The following TMEM135 variants were observed in gnomAD, a reference collection of about 807,000 sequenced individuals.
TMEM135 encodes the protein peroxisomal membrane protein 52.
In TMEM135, 30 loss-of-function variants were observed where a neutral mutation model predicts 60.3. The observed-to-expected ratio is 0.50, with a 90% CI of 0.37 to 0.68. The LOEUF (loss-of-function observed/expected upper bound fraction) is 0.68. TMEM135 is among the 30% of genes least tolerant of loss of function. The pLI is 0.00. For missense variants in TMEM135, 468 were observed against 548.8 expected (o/e 0.85, Z 1.47); for synonymous variants, 190 against 186.7 (o/e 1.02, Z -0.14).
chr11:87,163,871 T>C (rs1435380715), intron 5 of TMEM135, among the ~76,000 whole-genome samples: 1 of 146,302 alleles, frequency 6.8e-6, no homozygotes, highest in Non-Finnish European at 1.5e-5. Context: ...CTTCGCCCAC[T>C]TTTTGATGGG....
chr11:87,149,093 T>G (rs1938486989), intron 4 of TMEM135, among the ~76,000 whole-genome samples: 1 of 151,962 alleles, frequency 6.6e-6, no homozygotes, highest in South Asian at 2.1e-4. Context: ...TTCCAGAGAT[T>G]CTTATTTCTC....
intron 4 of TMEM135, among the ~76,000 whole-genome samples, chr11:87,112,731 A>G (rs1054485846): frequency 1.3e-5 from 2 of 152,066 alleles, no homozygotes; most frequent in Non-Finnish European, 2.9e-5. Flanking sequence ...TTTGGAAGAA[A>G]ATCGTGTAGG....
chr11:87,176,537 G>A (rs1377291028), intron 5 of TMEM135, among the ~76,000 whole-genome samples: 2 of 152,212 alleles, frequency 1.3e-5, no homozygotes, highest in Non-Finnish European at 2.9e-5. Flanking sequence ...CAGTAGGGAT[G>A]TGGCAGGTCA....
intron 3 of TMEM135, among the ~76,000 whole-genome samples, chr11:87,084,475 G>GT (rs1857054991): frequency 1.3e-5 from 2 of 152,090 alleles, no homozygotes; most frequent in African/African-American, 4.8e-5. Context: ...GACCAGGTCA[G>GT]TTTTTTATTT....
intron 5 of TMEM135, among the ~76,000 whole-genome samples, chr11:87,212,045 T>C (rs1480431899): frequency 6.6e-6 from 1 of 152,226 alleles, no homozygotes; most frequent in Non-Finnish European, 1.5e-5. Context: ...AGTGTAATAA[T>C]AACTACTCAT....
chr11:87,080,699 T>G (rs1856971728), intron 3 of TMEM135, among the ~76,000 whole-genome samples: 1 of 152,190 alleles, frequency 6.6e-6, no homozygotes, highest in Non-Finnish European at 1.5e-5. Flanking sequence ...TATTTCTTAT[T>G]TTTTTGAGAT....
At chr11:87,169,046 A>G (rs1430371992) in intron 5 of TMEM135, among the ~76,000 whole-genome samples, 1 of 151,902 alleles carries the variant, frequency 6.6e-6, no homozygotes, top group Non-Finnish European at 1.5e-5. Context: ...TCCCTTTGCC[A>G]TTATGTAATG....
chr11:87,276,908 T>A lies in TMEM135; in HGVS notation c.510-18874T>A, dbSNP rs554910238. ...GCTGGTCTTGAACTCTTGACCTCAGTTGGTCCGCCTGCCTCGGCCTCCCAA... is the reference window on the plus strand; with the variant it reads ...GCTGGTCTTGAACTCTTGACCTCAGATGGTCCGCCTGCCTCGGCCTCCCAA... On this transcript the variant is annotated intron_variant, in intron 6 of 14. Coordinates refer to ENST00000305494, the MANE Select transcript of TMEM135 (RefSeq NM_022918.4). Among the ~76,000 whole-genome samples the A allele has an allele frequency of 3.3e-5, 5 of 151,476 alleles. No individual in the cohort carries two copies. In the East Asian group the frequency reaches 9.8e-4, roughly 30 times the overall value.
At chr11:87,185,289 T>G (rs1939621849) in intron 5 of TMEM135, among the ~76,000 whole-genome samples, 1 of 152,172 alleles carries the variant, frequency 6.6e-6, no homozygotes, top group Non-Finnish European at 1.5e-5. Context: ...CCAGATAAGA[T>G]CTATATGTTC....
At chr11:87,275,129 A>G (rs117740068) in intron 6 of TMEM135, among the ~76,000 whole-genome samples, 3,864 of 152,196 alleles carry the variant, frequency 0.025, 61 homozygotes, top group Admixed American at 0.038. Flanking sequence ...AAGTGTTACT[A>G]TGACATTTGG....
At chr11:87,254,589 A>G (rs897312275) in intron 6 of TMEM135, among the ~76,000 whole-genome samples, 8 of 152,226 alleles carry the variant, frequency 5.3e-5, no homozygotes, top group Non-Finnish European at 1.0e-4. Flanking sequence ...AAGTTATTCA[A>G]CCTATAAATG....
intron 4 of TMEM135, among the ~76,000 whole-genome samples, chr11:87,093,724 G>A (rs1477512739): frequency 6.6e-6 from 1 of 151,682 alleles, no homozygotes; most frequent in Non-Finnish European, 1.5e-5. Context: ...AGTAGAGACG[G>A]GGTTTCACCA....
At chr11:87,188,773 T>C (rs924793632) in intron 5 of TMEM135, among the ~76,000 whole-genome samples, 15 of 151,778 alleles carry the variant, frequency 9.9e-5, no homozygotes, top group African/African-American at 3.6e-4. Flanking sequence ...TATGTAAAAA[T>C]GTATAAAGTA....
chr11:87,186,260 A>G (rs988765023), intron 5 of TMEM135, among the ~76,000 whole-genome samples: 5 of 152,172 alleles, frequency 3.3e-5, no homozygotes, highest in Non-Finnish European at 7.4e-5. Flanking sequence ...GGAAACCTCT[A>G]CAAGTTGCCT....
At chr11:87,195,311 CTCTTTCCTTCCTTCCT>C (rs1319169249) in intron 5 of TMEM135, among the ~76,000 whole-genome samples, 2,819 of 137,972 alleles carry the variant, frequency 0.02, 126 homozygotes, top group East Asian at 0.03. Flanking sequence ...CTCTTTCTTT[CTCTTTCCTTCCTTCCT>C]TCCTTCCTTC....
intron 6 of TMEM135, among the ~76,000 whole-genome samples, chr11:87,287,608 C>T (rs772551438): frequency 5.3e-5 from 8 of 152,248 alleles, no homozygotes; most frequent in East Asian, 3.9e-4. Context: ...ACCCAGGAGG[C>T]GGAGATTGCA....
rs1181362766 is a variant in TMEM135 at position 87,322,144 on chromosome 11, A to G, written c.*811A>G. The G allele has an allele frequency of 4.4e-6, 2 of 453,926 alleles. No individual in the cohort carries two copies. The highest frequency in any genetic ancestry group is 6.9e-5 in the East Asian group (1 of 14,400). The allele number at this position is 453,926 out of a possible 1,614,324, so 28.1% of individuals were successfully genotyped here. The stretch of plus-strand genomic sequence containing the variant: ...TAAAAACAAAACTTTTAAACTTCCT[A>G]TAGGTTTATGATGTTTGTTTTCATT... On this transcript the variant is annotated 3_prime_UTR_variant, in exon 15 of 15. Coordinates refer to ENST00000305494, the MANE Select transcript of TMEM135 (RefSeq NM_022918.4).
chr11:87,071,037 G>A (rs937839909), intron 2 of TMEM135, among the ~76,000 whole-genome samples: 1 of 152,174 alleles, frequency 6.6e-6, no homozygotes, highest in Admixed American at 6.5e-5. Flanking sequence ...AGGAAACTGA[G>A]AAGCCAGAGG....
chr11:87,038,009 C>T lies in TMEM135; in HGVS notation c.-37C>T. On this transcript the variant is annotated 5_prime_UTR_variant, in exon 1 of 15. Transcript: ENST00000305494. ...CGCGCCCCTCCCTGCAGGGCTCAGG[C>T]TCTCCCCCTCCTGTCTTCTCCGCGC... 2 of 1,612,624 alleles carry T rather than the reference C, an allele frequency of 1.2e-6. No homozygotes were observed. The highest frequency in any genetic ancestry group is 2.2e-5 in the South Asian group (2 of 91,074).
Sources: gnomAD v4.1 joint callset for allele counts (sites outside exome capture counted in the v4.1 genomes callset) on GRCh38, gnomAD v4.1.1 for gene constraint, MANE v1.5 for transcripts, NCBI Gene and HGNC (gene_info 2026-07-23, HGNC 2026-07-21) for gene names.